The following LUZP2 variants were observed in gnomAD, a reference collection of about 807,000 sequenced individuals.
LUZP2 encodes leucine zipper protein 2.
In LUZP2, 52 loss-of-function variants were observed where a neutral mutation model predicts 51.6. The observed-to-expected ratio is 1.01, with a 90% CI of 0.81 to 1.27. The LOEUF is 1.27. LUZP2 is among the 50% of genes most tolerant of loss of function. The probability of loss-of-function intolerance (pLI) is 0.00; values close to 1 mark genes in which losing one functional copy is unlikely to be tolerated. For synonymous variants in LUZP2, 154 were observed against 137.3 expected (o/e 1.12, Z -0.85); for missense variants, 436 against 395.4 (o/e 1.10, Z -0.87).
chr11:24,641,487 AT>A (rs1405344320), intron 1 of LUZP2, among the ~76,000 whole-genome samples: 2 of 151,868 alleles, frequency 1.3e-5, no homozygotes, highest in Non-Finnish European at 2.9e-5. Context: ...AGTATCTGAG[AT>A]TTTTAAAATA....
At chr11:24,812,209 A>T (rs1260803829) in intron 5 of LUZP2, among the ~76,000 whole-genome samples, 1 of 69,942 alleles carries the variant, frequency 1.4e-5, no homozygotes, top group Non-Finnish European at 3.0e-5. Flanking sequence ...TGATGTAAAC[A>T]TAACTTTTAC....
At chr11:24,866,448 G>T (rs1282396864) in intron 5 of LUZP2, among the ~76,000 whole-genome samples, 1 of 152,072 alleles carries the variant, frequency 6.6e-6, no homozygotes, top group African/African-American at 2.4e-5. Context: ...TTTCTAAGGG[G>T]AAACTGCTCA....
intron 5 of LUZP2, among the ~76,000 whole-genome samples, chr11:24,888,905 T>A (rs1852758494): frequency 6.6e-6 from 1 of 152,178 alleles, no homozygotes; most frequent in Non-Finnish European, 1.5e-5. Context: ...GGTGCCTTGC[T>A]TCCCCTTCAT....
In LUZP2 at chr11:25,001,792, T is replaced by G. The variant is rs189532792; in HGVS notation, c.765+18499T>G. Among the ~76,000 whole-genome samples the G allele has an allele frequency of 7.9e-5, 12 of 152,304 alleles. No homozygotes were observed. The East Asian group carries it at 2.3e-3, about 29-fold the overall frequency. ...GTCTCTCTTTGACTTTGTCTCTCTA[T>G]CTCTTCCTCTCTGTCTCCTTCTCTT... is the stretch of plus-strand genomic sequence containing the variant. On this transcript the variant is annotated intron_variant, in intron 9 of 11. Coordinates refer to ENST00000336930, the MANE Select transcript of LUZP2 (RefSeq NM_001009909.4).
chr11:24,719,002 G>A (rs1188402058), intron 1 of LUZP2, among the ~76,000 whole-genome samples: 1 of 152,180 alleles, frequency 6.6e-6, no homozygotes, highest in Non-Finnish European at 1.5e-5. Context: ...ACTGAGCACA[G>A]GGTATATAAG....
chr11:25,031,217 G>A (rs1227133684), intron 9 of LUZP2, among the ~76,000 whole-genome samples: 11 of 150,354 alleles, frequency 7.3e-5, no homozygotes, highest in Non-Finnish European at 1.5e-4. Flanking sequence ...TCACCATATT[G>A]GCCAGGCTGC....
At chr11:24,963,599 G>A (rs112284976) in intron 7 of LUZP2, among the ~76,000 whole-genome samples, 1,784 of 151,974 alleles carry the variant, frequency 0.012, 39 homozygotes, top group African/African-American at 0.038. Context: ...CTGGTGCGCC[G>A]TTTTTTAAGC....
At chr11:24,808,816 T>C (rs1301485551) in intron 5 of LUZP2, among the ~76,000 whole-genome samples, 1 of 152,082 alleles carries the variant, frequency 6.6e-6, no homozygotes, top group Non-Finnish European at 1.5e-5. Context: ...TAGTTTAAAT[T>C]CTATGTGTGC....
intron 5 of LUZP2, among the ~76,000 whole-genome samples, chr11:24,898,496 C>T (rs1032748825): frequency 6.6e-6 from 1 of 152,068 alleles, no homozygotes; most frequent in Non-Finnish European, 1.5e-5. Context: ...TGGTGGTGGG[C>T]GCCTGTAGTC....
At chr11:24,750,027 C>T (rs1239778155) in intron 4 of LUZP2, among the ~76,000 whole-genome samples, 3 of 152,118 alleles carry the variant, frequency 2.0e-5, no homozygotes, top group Non-Finnish European at 4.4e-5. Flanking sequence ...TCTGGAGAAC[C>T]CTAATACAGT....
rs546519312 is a variant in LUZP2 at position 24,733,292 on chromosome 11, G to A, written c.251+1104G>A. 6.2e-4 allele frequency among the ~76,000 whole-genome samples: 94 copies of A among 151,800 alleles called. 1 individual carries two copies. The highest frequency in any genetic ancestry group is 1.4e-3 in the African/African-American group (59 of 41,478). On this transcript the variant is annotated intron_variant, in intron 3 of 11. Coordinates refer to ENST00000336930, the MANE Select transcript of LUZP2 (RefSeq NM_001009909.4). The stretch of plus-strand genomic sequence containing the variant: ...AAGAAAAACTTGAAAAGAGCAATCC[G>A]AACATGTTTCTGAAACAATATTATT...
In LUZP2 at chr11:25,069,588, CTAATATATACATAAAA is replaced by C. The variant is rs568940217; in HGVS notation, c.859-7738_859-7723del. 3.0e-4 allele frequency among the ~76,000 whole-genome samples: 46 copies of C among 151,514 alleles called. No homozygotes were observed. In the East Asian group the frequency reaches 8.7e-3, roughly 29 times the overall value. ...CACTGTATGTGTGTGGGTGTATAAACTAATATATACATAAAATAGCAGAAAATATATATTCTGAAAA... is the reference window on the plus strand; with the variant it reads ...CACTGTATGTGTGTGGGTGTATAAACTAGCAGAAAATATATATTCTGAAAA... On this transcript the variant is annotated intron_variant, in intron 10 of 11. Coordinates refer to ENST00000336930, the MANE Select transcript of LUZP2 (RefSeq NM_001009909.4).
chr11:24,573,683 T>C (rs1238875303), intron 1 of LUZP2, among the ~76,000 whole-genome samples: 1 of 151,960 alleles, frequency 6.6e-6, no homozygotes, highest in Non-Finnish European at 1.5e-5. Context: ...TAATTCAGCA[T>C]AAAATAAAAG....
In LUZP2 at chr11:24,906,617, C is replaced by T. The variant is rs139799245; in HGVS notation, c.459+564C>T. ...CTCATCTCCAAGTCTATTCTTATGA[C>T]TCTGTAATGTGAAAATGTAGCTCAT... is the stretch of plus-strand genomic sequence containing the variant. On this transcript the variant is annotated intron_variant, in intron 6 of 11. Transcript: ENST00000336930. Among the ~76,000 whole-genome samples, 261 of 152,082 alleles carry T rather than the reference C, an allele frequency of 1.7e-3. 2 individuals carry two copies. The highest frequency in any genetic ancestry group is 6.1e-3 in the African/African-American group (252 of 41,480).
intron 5 of LUZP2, among the ~76,000 whole-genome samples, chr11:24,888,122 G>A (rs1330512749): frequency 6.6e-6 from 1 of 152,056 alleles, no homozygotes; most frequent in East Asian, 1.9e-4. Flanking sequence ...AAAATTGATT[G>A]AGGCCTTATC....
At chr11:24,980,388 A>G (rs12278764) in intron 8 of LUZP2, among the ~76,000 whole-genome samples, 12,847 of 151,784 alleles carry the variant, frequency 0.085, 1,777 homozygotes, top group African/African-American at 0.29. Flanking sequence ...TAAAATTTTC[A>G]TATTATACAG....
chr11:24,520,708 T>A (rs1267909722), intron 1 of LUZP2, among the ~76,000 whole-genome samples: 2 of 152,192 alleles, frequency 1.3e-5, no homozygotes, highest in African/African-American at 2.4e-5. Flanking sequence ...CAGACTAGGC[T>A]TAGGAAACCT....
intron 1 of LUZP2, among the ~76,000 whole-genome samples, chr11:24,720,245 GAA>G (rs5790431): frequency 3.4e-5 from 5 of 148,276 alleles, no homozygotes; most frequent in African/African-American, 2.5e-5. Context: ...TCAGATAATA[GAA>G]AAAAAAAATA....
At chr11:24,905,582 A>T (rs572941868) in intron 5 of LUZP2, among the ~76,000 whole-genome samples, 1 of 152,240 alleles carries the variant, frequency 6.6e-6, no homozygotes, top group Admixed American at 6.5e-5. Flanking sequence ...TCTAGACCAA[A>T]TGGACCTCAT....
Sources: allele counts gnomAD v4.1 joint callset (sites outside exome capture counted in the v4.1 genomes callset), GRCh38; gene constraint gnomAD v4.1.1; transcripts MANE v1.5; gene names NCBI Gene and HGNC (gene_info 2026-07-23, HGNC 2026-07-21).